RBMS3: variants seen among roughly 807,000 people sequenced by gnomAD.
RBMS3 encodes the protein RNA-binding motif, single-stranded-interacting protein 3.
A neutral mutation model predicts 66.8 loss-of-function variants in RBMS3; 27 were observed. The observed-to-expected ratio is 0.40, with a 90% CI of 0.30 to 0.56. The LOEUF (loss-of-function observed/expected upper bound fraction) is 0.56, where lower values mean the gene tolerates loss of function less well. RBMS3 is among the 20% of genes least tolerant of loss of function. RBMS3 has a pLI of 0.40. For synonymous variants in RBMS3, 188 were observed against 183.0 expected (o/e 1.03, Z -0.22); for missense variants, 513 against 549.5 (o/e 0.93, Z 0.66).
intron 1 of RBMS3, among the ~76,000 whole-genome samples, chr3:29,422,039 T>A (rs565661601): frequency 6.6e-6 from 1 of 152,326 alleles, no homozygotes; most frequent in East Asian, 1.9e-4. Context: ...TTCTCAGTGC[T>A]TTACACACAA....
chr3:29,842,771 G>A (rs577047905), intron 6 of RBMS3, among the ~76,000 whole-genome samples: 59 of 152,304 alleles, frequency 3.9e-4, no homozygotes, highest in African/African-American at 1.1e-3. Context: ...GAAGATCAGA[G>A]TTAGCAGTAG....
chr3:29,506,564 C>T (rs1411047600), intron 3 of RBMS3, among the ~76,000 whole-genome samples: 2 of 151,930 alleles, frequency 1.3e-5, no homozygotes, highest in African/African-American at 4.8e-5. Context: ...TCTTGTCAGG[C>T]TTTGATGACA....
chr3:29,700,827 C>A, intron 4 of RBMS3, among the ~76,000 whole-genome samples: 1 of 147,860 alleles, frequency 6.8e-6, no homozygotes, highest in East Asian at 2.0e-4. Flanking sequence ...TGCAAGTAAT[C>A]TGGTTAGAGG....
chr3:29,485,270 A>C (rs1373272352), intron 2 of RBMS3, among the ~76,000 whole-genome samples: 1 of 152,200 alleles, frequency 6.6e-6, no homozygotes, highest in Non-Finnish European at 1.5e-5. Flanking sequence ...AGCTAGGGTG[A>C]AAGTGTTTTA....
intron 1 of RBMS3, among the ~76,000 whole-genome samples, chr3:29,354,019 AGT>A (rs2037075723): frequency 6.6e-6 from 1 of 152,126 alleles, no homozygotes; most frequent in African/African-American, 2.4e-5. Context: ...CTCCAGGAAA[AGT>A]GAAAGCCTTT....
intron 5 of RBMS3, among the ~76,000 whole-genome samples, chr3:29,761,335 G>C (rs968719608): frequency 6.6e-6 from 1 of 152,062 alleles, no homozygotes; most frequent in Admixed American, 6.6e-5. Context: ...ACTGGAACTC[G>C]TTCCTGATAT....
chr3:29,556,853 C>T (rs947359280), intron 3 of RBMS3, among the ~76,000 whole-genome samples: 10 of 152,128 alleles, frequency 6.6e-5, no homozygotes, highest in Non-Finnish European at 1.5e-4. Flanking sequence ...CTTTCTTTCC[C>T]AGCAGTGGCT....
intron 1 of RBMS3, among the ~76,000 whole-genome samples, chr3:29,348,587 A>AG (rs60885264): frequency 6.6e-6 from 1 of 150,482 alleles, no homozygotes; most frequent in African/African-American, 2.5e-5. Flanking sequence ...AAAAAAAAAA[A>AG]TCAAATCAAA....
At chr3:29,748,277 T>C (rs2055016123) in intron 5 of RBMS3, among the ~76,000 whole-genome samples, 2 of 152,090 alleles carry the variant, frequency 1.3e-5, no homozygotes, top group South Asian at 4.2e-4. Context: ...GGAAACAAAA[T>C]TGTGAAACAT....
intron 4 of RBMS3, among the ~76,000 whole-genome samples, chr3:29,646,902 TC>T (rs2049944713): frequency 6.6e-6 from 1 of 152,202 alleles, no homozygotes; most frequent in Non-Finnish European, 1.5e-5. Context: ...ATATGTATCT[TC>T]CTCATTCGGA....
intron 4 of RBMS3, among the ~76,000 whole-genome samples, chr3:29,615,424 A>C (rs2149140692): frequency 6.6e-6 from 1 of 152,116 alleles, no homozygotes; most frequent in African/African-American, 2.4e-5. Context: ...ATTTTTTCCA[A>C]AAAATTTAAT....
chr3:29,412,279 A>T (rs1294617667), intron 1 of RBMS3, among the ~76,000 whole-genome samples: 1 of 152,204 alleles, frequency 6.6e-6, no homozygotes, highest in Non-Finnish European at 1.5e-5. Context: ...TCCATAAGCC[A>T]CTATGCTTGC....
At chr3:29,525,786 G>A (rs1007297631) in intron 3 of RBMS3, among the ~76,000 whole-genome samples, 15 of 152,110 alleles carry the variant, frequency 9.9e-5, no homozygotes, top group Non-Finnish European at 1.9e-4. Context: ...GTTACATTCA[G>A]TTTCAAGCTC....
intron 6 of RBMS3, among the ~76,000 whole-genome samples, chr3:29,813,124 A>C (rs11712046): frequency 6.6e-6 from 1 of 151,752 alleles, no homozygotes; most frequent in Admixed American, 6.6e-5. Flanking sequence ...TTCTATATTA[A>C]GAATAAGGCT....
chr3:29,570,361 A>G (rs887300042), intron 3 of RBMS3, among the ~76,000 whole-genome samples: 3 of 152,094 alleles, frequency 2.0e-5, no homozygotes, highest in African/African-American at 7.2e-5. Flanking sequence ...AAAATGTACA[A>G]TTAAATTATT....
chr3:29,557,254 C>A (rs1297918033), intron 3 of RBMS3, among the ~76,000 whole-genome samples: 1 of 152,140 alleles, frequency 6.6e-6, no homozygotes. Context: ...AGAAGAATAA[C>A]AAAACAGAAC....
intron 3 of RBMS3, among the ~76,000 whole-genome samples, chr3:29,496,881 T>A (rs546501686): frequency 2.0e-5 from 3 of 152,322 alleles, no homozygotes; most frequent in East Asian, 3.9e-4. Context: ...AAAGTAAAAT[T>A]ATCCACTAAC....
intron 3 of RBMS3, among the ~76,000 whole-genome samples, chr3:29,532,387 C>T (rs2045399018): frequency 6.6e-6 from 1 of 151,076 alleles, no homozygotes; most frequent in Non-Finnish European, 1.5e-5. Context: ...TTCTTAGGTA[C>T]CATTCTGCTT....
At chr3:29,956,140 A>C (rs191520535) in intron 12 of RBMS3, among the ~76,000 whole-genome samples, 1 of 152,174 alleles carries the variant, frequency 6.6e-6, no homozygotes, top group Admixed American at 6.5e-5. Flanking sequence ...TACTTTCCCA[A>C]CTAGTTTTCT....
Sources: gnomAD v4.1 joint callset for allele counts (sites outside exome capture counted in the v4.1 genomes callset) on GRCh38, gnomAD v4.1.1 for gene constraint, MANE v1.5 for transcripts, NCBI Gene and HGNC (gene_info 2026-07-23, HGNC 2026-07-21) for gene names.